FOXN3: variants seen among roughly 807,000 people sequenced by gnomAD.
FOXN3 encodes forkhead box N3, also known as forkhead box protein N3.
FOXN3 carries 7 observed loss-of-function variants against 38.4 expected under a neutral mutation model. The ratio of observed to expected loss-of-function variants is 0.18; its 90% CI spans 0.10 to 0.34. FOXN3 has a LOEUF of 0.34. FOXN3 is among the 10% of genes least tolerant of loss of function. FOXN3 has a pLI of 1.00. For synonymous variants in FOXN3, 230 were observed against 242.2 expected (o/e 0.95, Z 0.47); for missense variants, 456 against 613.4 (o/e 0.74, Z 2.71).
At chr14:89,507,197 G>C (rs1006062696) in intron 1 of FOXN3, among the ~76,000 whole-genome samples, 4 of 151,568 alleles carry the variant, frequency 2.6e-5, no homozygotes, top group Admixed American at 6.6e-5. Context: ...GACAGCAGCT[G>C]ATTAAGCAGT....
chr14:89,543,958 A>G (rs1358989956), intron 1 of FOXN3, among the ~76,000 whole-genome samples: 2 of 152,118 alleles, frequency 1.3e-5, no homozygotes, highest in Non-Finnish European at 2.9e-5. Flanking sequence ...TGTTATGAAG[A>G]TGGAGCTTCG....
rs776351803 is a variant in FOXN3 at position 89,464,458 on chromosome 14, G to A, written c.-14-51968C>T. Among the ~76,000 whole-genome samples the A allele has an allele frequency of 4.6e-5, 7 of 152,114 alleles. No individual in the cohort carries two copies. In the South Asian group the frequency reaches 8.3e-4, roughly 18 times the overall value. ...TTTCAGCAACAGCAGGAAAACTTCC[G>A]AGTGGTTCCCCTTTCCAAGAAACCT... On this transcript the variant is annotated intron_variant, in intron 1 of 6. Coordinates refer to the FOXN3 transcript ENST00000345097.
intron 2 of FOXN3, among the ~76,000 whole-genome samples, chr14:89,365,929 G>A (rs1236035443): frequency 6.6e-6 from 1 of 152,092 alleles, no homozygotes; most frequent in Non-Finnish European, 1.5e-5. Flanking sequence ...AAAGTAACTA[G>A]AATAACTAAC....
intron 3 of FOXN3, chr14:89,291,240 C>T (rs946051752): frequency 4.6e-6 from 2 of 430,376 alleles, no homozygotes; most frequent in South Asian, 1.8e-5. Flanking sequence ...GTTACTCCCT[C>T]GGTTTCTCTC....
chr14:89,368,038 C>T (rs10484024), intron 2 of FOXN3, among the ~76,000 whole-genome samples: 58,598 of 152,030 alleles, frequency 0.39, 12,654 homozygotes, highest in Admixed American at 0.5. Context: ...GCTATCAAAA[C>T]GAATCCCAGG....
At chr14:89,268,652 G>A (rs1313885114) in intron 4 of FOXN3, among the ~76,000 whole-genome samples, 1 of 152,130 alleles carries the variant, frequency 6.6e-6, no homozygotes, top group Non-Finnish European at 1.5e-5. Context: ...CAGGGCTCGT[G>A]AGGCCAGCAC....
At chr14:89,554,325 A>G (rs551360874) in intron 1 of FOXN3, among the ~76,000 whole-genome samples, 1 of 151,890 alleles carries the variant, frequency 6.6e-6, no homozygotes, top group South Asian at 2.1e-4. Context: ...TTTTCTAGAG[A>G]TGAGGTCTCA....
chr14:89,418,473 A>T (rs1891819863), upstream of FOXN3, among the ~76,000 whole-genome samples: 1 of 132,480 alleles, frequency 7.5e-6, no homozygotes, highest in South Asian at 2.6e-4. Flanking sequence ...GCAGGTGACA[A>T]GTCTTCAGCA....
intron 1 of FOXN3, among the ~76,000 whole-genome samples, chr14:89,481,568 C>G (rs906031686): frequency 6.6e-6 from 1 of 152,100 alleles, no homozygotes; most frequent in Non-Finnish European, 1.5e-5. Flanking sequence ...AGTGAGGCAG[C>G]CCCATGGAGG....
At chr14:89,333,990 A>ATCTATC (rs1813721137) in intron 3 of FOXN3, among the ~76,000 whole-genome samples, 1 of 90,774 alleles carries the variant, frequency 1.1e-5, no homozygotes, top group African/African-American at 5.4e-5. Context: ...ATATATATAT[A>ATCTATC]TATATATATA....
intron 2 of FOXN3, among the ~76,000 whole-genome samples, chr14:89,407,652 C>T (rs375368600): frequency 1.8e-4 from 28 of 151,606 alleles, no homozygotes; most frequent in African/African-American, 5.3e-4. Context: ...GGCAACATGG[C>T]GAAACCCCGT....
At chr14:89,432,700 C>T (rs1181747036) in intron 1 of FOXN3, among the ~76,000 whole-genome samples, 1 of 152,170 alleles carries the variant, frequency 6.6e-6, no homozygotes, top group Non-Finnish European at 1.5e-5. Flanking sequence ...ATCTCATTTC[C>T]AAGATCACAG....
intron 1 of FOXN3, among the ~76,000 whole-genome samples, chr14:89,608,040 G>A (rs1453488988): frequency 1.2e-4 from 18 of 151,148 alleles, no homozygotes; most frequent in South Asian, 6.3e-4. Context: ...GTGCAGTGGC[G>A]CGATCTCAGC....
intron 2 of FOXN3, among the ~76,000 whole-genome samples, chr14:89,393,044 A>G (rs1454311632): frequency 6.6e-6 from 1 of 151,676 alleles, no homozygotes; most frequent in Non-Finnish European, 1.5e-5. Context: ...TGACCTCGTG[A>G]TCCGCCCACT....
intron 1 of FOXN3, among the ~76,000 whole-genome samples, chr14:89,536,635 T>C (rs1894693349): frequency 2.6e-5 from 4 of 151,944 alleles, no homozygotes; most frequent in Admixed American, 2.6e-4. Flanking sequence ...ACAAAAATTA[T>C]TGTATTGTGG....
Position 89,555,459 on chromosome 14 carries a change from C to T in FOXN3, c.-15+63569G>A, listed in dbSNP as rs151298791. ...AACTTCACTAATTGAACAGGTAAAA[C>T]CAATGTCTTGAGGCTAGTTTGTATC... On this transcript the variant is annotated intron_variant, in intron 1 of 6. Transcript: ENST00000345097. 3.4e-3 allele frequency among the ~76,000 whole-genome samples: 525 copies of T among 152,280 alleles called. 6 individuals are homozygous for T. Among genetic ancestry groups the T allele is most frequent in the African/African-American group, 0.012 (498 of 41,564 alleles).
At chr14:89,414,895 A>G (rs930755603) in intron 1 of FOXN3, among the ~76,000 whole-genome samples, 1 of 152,176 alleles carries the variant, frequency 6.6e-6, no homozygotes, top group South Asian at 2.1e-4. Flanking sequence ...GAGGCATTGC[A>G]GTACAGACCA....
chr14:89,192,259 C>T (rs902523649), intron 4 of FOXN3, among the ~76,000 whole-genome samples: 1 of 145,208 alleles, frequency 6.9e-6, no homozygotes, highest in Non-Finnish European at 1.5e-5. Flanking sequence ...TTATATATAA[C>T]AGTATATATT....
intron 3 of FOXN3, among the ~76,000 whole-genome samples, chr14:89,334,339 G>A (rs1323087005): frequency 6.6e-6 from 1 of 152,162 alleles, no homozygotes; most frequent in East Asian, 1.9e-4. Context: ...GCTGGATGTG[G>A]TGGCTCACGC....
Sources: gnomAD v4.1 joint callset for allele counts (sites outside exome capture counted in the v4.1 genomes callset) on GRCh38, gnomAD v4.1.1 for gene constraint, MANE v1.5 for transcripts, NCBI Gene and HGNC (gene_info 2026-07-23, HGNC 2026-07-21) for gene names.